The following XPNPEP3 variants were observed in gnomAD, a reference collection of about 807,000 sequenced individuals.
The protein encoded by XPNPEP3 is xaa-Pro aminopeptidase 3.
XPNPEP3 carries 41 observed loss-of-function variants against 60.0 expected under a neutral mutation model. The observed-to-expected ratio is 0.68, with a 90% CI of 0.53 to 0.89. The LOEUF is 0.89. Among genes scored for constraint, XPNPEP3 ranks in the 40% least tolerant of loss-of-function variants. The probability of loss-of-function intolerance (pLI) is 0.00; values close to 1 mark genes in which losing one functional copy is unlikely to be tolerated. For synonymous variants in XPNPEP3, 212 were observed against 223.2 expected (o/e 0.95, Z 0.45); for missense variants, 598 against 638.9 (o/e 0.94, Z 0.69).
intron 9 of XPNPEP3, among the ~76,000 whole-genome samples, chr22:40,925,588 G>A (rs1322417454): frequency 6.6e-6 from 1 of 152,272 alleles, no homozygotes; most frequent in African/African-American, 2.4e-5. Context: ...AGCAGTATCT[G>A]TGAGGATAGT....
intron 1 of XPNPEP3, among the ~76,000 whole-genome samples, chr22:40,868,428 CGTGTGT>C (rs35513572): frequency 3.7e-4 from 54 of 144,756 alleles, no homozygotes; most frequent in Non-Finnish European, 7.8e-4. Flanking sequence ...TATATGTGTG[CGTGTGT>C]GTGTGTGTGT....
At chr22:40,912,950 G>T (rs2058182116) in intron 6 of XPNPEP3, among the ~76,000 whole-genome samples, 1 of 151,824 alleles carries the variant, frequency 6.6e-6, no homozygotes, top group African/African-American at 2.4e-5. Flanking sequence ...TCCATCTTTT[G>T]CCAAAAATGA....
intron 6 of XPNPEP3, 124 bp from the exon 7 acceptor site, chr22:40,914,115 C>T: frequency 1.2e-6 from 1 of 800,488 alleles, no homozygotes; most frequent in East Asian, 2.7e-5. Context: ...GCACTCCAAC[C>T]TGGGCAACAA....
At chr22:40,915,233 G>A (rs148842996) in intron 7 of XPNPEP3, among the ~76,000 whole-genome samples, 3,978 of 151,762 alleles carry the variant, frequency 0.026, 77 homozygotes, top group Middle Eastern at 0.051. Flanking sequence ...TGTATTTTTC[G>A]TAGAGATGGG....
At position 40,882,140 on chromosome 22, in the gene XPNPEP3, G is replaced by A. The variant is rs1290846635; in HGVS notation, c.552G>A (p.Thr184=). 5 of 1,614,006 alleles carry A rather than the reference G, an allele frequency of 3.1e-6. No individual in the cohort carries two copies. The highest frequency in any genetic ancestry group is 2.2e-5 in the East Asian group (1 of 44,898). The change falls in exon 3 of 10, where the codon ACG becomes ACA. Residue 184 remains threonine, a synonymous_variant. Coordinates refer to ENST00000357137, the MANE Select transcript of XPNPEP3 (RefSeq NM_022098.4). ...IALTGVDEAY[T]LEEFQHLLPK... ...TAACTGGAGTAGACGAAGCCTATAC[G>A]CTAGAAGAATTTCAACATCTTCTAC...
chr22:40,900,656 C>T (rs891413386), intron 4 of XPNPEP3, among the ~76,000 whole-genome samples: 3 of 151,986 alleles, frequency 2.0e-5, no homozygotes, highest in Admixed American at 6.6e-5. Context: ...AGGCTAAGTG[C>T]AGTGGCTCAT....
chr22:40,910,697 C>A (rs973774686), intron 6 of XPNPEP3, among the ~76,000 whole-genome samples: 4 of 151,836 alleles, frequency 2.6e-5, no homozygotes, highest in African/African-American at 9.7e-5. Context: ...CAGAGCAAGA[C>A]CCTGTCTTTA....
At chr22:40,924,120 T>C (rs148402229) in intron 8 of XPNPEP3, among the ~76,000 whole-genome samples, 143 of 152,264 alleles carry the variant, frequency 9.4e-4, no homozygotes, top group African/African-American at 3.3e-3. Flanking sequence ...CAAGTCTGCA[T>C]GTATGTAGTA....
chr22:40,890,660 A>G (rs2146257343), intron 4 of XPNPEP3, among the ~76,000 whole-genome samples: 1 of 152,294 alleles, frequency 6.6e-6, no homozygotes, highest in South Asian at 2.1e-4. Flanking sequence ...TGAGCCCAGG[A>G]GTTCAAGCCC....
intron 5 of XPNPEP3, among the ~76,000 whole-genome samples, chr22:40,908,091 G>A (rs1458910738): frequency 6.6e-6 from 1 of 151,902 alleles, no homozygotes; most frequent in Non-Finnish European, 1.5e-5. Context: ...ACGTATGCCT[G>A]TAATCCCAGC....
Position 40,924,392 on chromosome 22 carries a change from G to GGCCA in XPNPEP3, c.1268_1271dup (p.His424GlnfsTer10). ...TCGAAAATACTGTCCTCATCATGTT[G>GGCCA]GCCACTACCTCGGGATGGATGTCCA... On this transcript the variant is annotated frameshift_variant, in exon 9 of 10. Coordinates refer to ENST00000357137, the MANE Select transcript of XPNPEP3 (RefSeq NM_022098.4). LOFTEE classifies it high-confidence loss of function. 6.2e-7 allele frequency: 1 copy of GGCCA among 1,614,060 alleles called. No homozygotes were observed. The highest frequency in any genetic ancestry group is 1.1e-5 in the South Asian group (1 of 91,074).
At chr22:40,916,906 G>A (rs2058198120) in intron 7 of XPNPEP3, among the ~76,000 whole-genome samples, 1 of 151,804 alleles carries the variant, frequency 6.6e-6, no homozygotes, top group Admixed American at 6.6e-5. Context: ...GCAGCATAGT[G>A]AAACCTGGTC....
chr22:40,921,414 G>A (rs1307141289), intron 7 of XPNPEP3, among the ~76,000 whole-genome samples: 4 of 151,484 alleles, frequency 2.6e-5, no homozygotes, highest in Admixed American at 1.3e-4. Context: ...CACTTTGGGA[G>A]GCCAAGGCAG....
chr22:40,894,343 C>T (rs767509737), intron 4 of XPNPEP3, among the ~76,000 whole-genome samples: 36 of 152,236 alleles, frequency 2.4e-4, no homozygotes, highest in Non-Finnish European at 4.1e-4. Context: ...TGACTTCTTT[C>T]CCCTTAGCAA....
chr22:40,880,787 C>CAAA (rs35246385), intron 2 of XPNPEP3, among the ~76,000 whole-genome samples: 6 of 74,766 alleles, frequency 8.0e-5, no homozygotes, highest in Admixed American at 1.6e-4. Context: ...GACTCCCTCT[C>CAAA]AAAAAAAAAA....
chr22:40,878,376 G>A (rs952220205), intron 2 of XPNPEP3, among the ~76,000 whole-genome samples: 2 of 151,970 alleles, frequency 1.3e-5, no homozygotes, highest in Non-Finnish European at 2.9e-5. Context: ...GTATGAAATT[G>A]GATTCAGCAA....
intron 5 of XPNPEP3, 131 bp downstream of exon 5, chr22:40,907,780 A>G (rs552041766): frequency 4.2e-5 from 38 of 895,808 alleles, no homozygotes; most frequent in Non-Finnish European, 6.7e-5. Context: ...TTTGGTTCTG[A>G]AATATCACTG....
chr22:40,906,883 T>A (rs563000892), intron 4 of XPNPEP3, among the ~76,000 whole-genome samples: 133 of 152,282 alleles, frequency 8.7e-4, no homozygotes, highest in Non-Finnish European at 1.6e-3. Flanking sequence ...GAAGGGAAAT[T>A]CCTGATAGGG....
intron 1 of XPNPEP3, among the ~76,000 whole-genome samples, chr22:40,867,398 C>G (rs933249710): frequency 2.0e-5 from 3 of 152,034 alleles, no homozygotes; most frequent in Non-Finnish European, 4.4e-5. Context: ...TCTGTAAGGA[C>G]TATGAATTAT....
Sources: allele counts gnomAD v4.1 joint callset (sites outside exome capture counted in the v4.1 genomes callset), GRCh38; gene constraint gnomAD v4.1.1; transcripts MANE v1.5; gene names NCBI Gene and HGNC (gene_info 2026-07-23, HGNC 2026-07-21).